KANK3: variants seen among roughly 807,000 people sequenced by gnomAD.
The protein encoded by KANK3 is KN motif and ankyrin repeat domains 3.
A neutral mutation model predicts 65.4 loss-of-function variants in KANK3; 61 were observed. The observed-to-expected ratio is 0.93, with a 90% confidence interval of 0.76 to 1.15. The LOEUF is 1.15. Among genes scored for constraint, KANK3 ranks in the 50% most tolerant of loss-of-function variants. KANK3 has a pLI of 0.00. For synonymous variants in KANK3, 586 were observed against 543.3 expected, an observed-to-expected ratio of 1.08 and a Z score of -1.09; for missense variants, 1,187 against 1,178.8, an observed-to-expected ratio of 1.01 and a Z score of -0.10.
At position 8,333,647 on chromosome 19, in the gene KANK3, T is replaced by C. The variant is rs2241589; in HGVS notation, c.1719+77A>G. On this transcript the variant is annotated intron_variant, in intron 6 of 10. Transcript: ENST00000330915. The surrounding 1 kb of genome is among the most constrained non-coding windows in gnomAD (Gnocchi z 5.0). Reference sequence around the variant, plus strand: ...TGGCGGGAAGGGATGGAACCCGGTGTGCTCCCCTAAGTGGGCGTCAGAGGT... The same window carrying C: ...TGGCGGGAAGGGATGGAACCCGGTGCGCTCCCCTAAGTGGGCGTCAGAGGT... The C allele has an allele frequency of 0.6, 721,117 of 1,193,450 alleles. 219,925 individuals are homozygous for C. The highest frequency in any genetic ancestry group is 0.73 in the African/African-American group (46,662 of 63,816). 73.9% of individuals were successfully genotyped at this position (1,193,450 alleles called of 1,614,324 possible).
At chr19:8,328,604 G>A (rs899032474) in intron 7 of KANK3, among the ~76,000 whole-genome samples, 3 of 152,018 alleles carry the variant, frequency 2.0e-5, no homozygotes, top group Admixed American at 6.6e-5. Context: ...CAAGGGGTGG[G>A]GGCAGTGAAA....
chr19:8,334,575 G>T lies in KANK3; in HGVS notation c.1252C>A (p.Pro418Thr). The T allele has an allele frequency of 6.3e-7, 1 of 1,597,132 alleles. No individual in the cohort carries two copies. Among genetic ancestry groups the T allele is most frequent in the Non-Finnish European group, 8.5e-7 (1 of 1,178,282 alleles). Residue 418 changes from proline to threonine, a missense_variant, in exon 3 of 11, where the codon CCG becomes ACG. Transcript: ENST00000330915. ...TGAGTCAAGGAGGGCGCCTCTGCCG[G>T]GGACTCGGTCTGCGCGGCCTTTTCG... ...CAEKAAQTES[P>T]AEAPSLTQES...
intron 1 of KANK3, among the ~76,000 whole-genome samples, chr19:8,339,360 TG>T (rs1344911160): frequency 1.9e-4 from 19 of 98,072 alleles, no homozygotes; most frequent in African/African-American, 7.8e-4. Context: ...TATCTCTTTT[TG>T]TTTTTTTTTT....
chr19:8,343,050 C>G (rs889277535), intron 1 of KANK3, among the ~76,000 whole-genome samples, 175 bp downstream of exon 1: 5 of 152,182 alleles, frequency 3.3e-5, no homozygotes, highest in Admixed American at 3.3e-4. Flanking sequence ...TCGCTACCCA[C>G]CTGGGACTTC....
chr19:8,329,991 C>A (rs1225753200), intron 7 of KANK3, among the ~76,000 whole-genome samples: 1 of 152,068 alleles, frequency 6.6e-6, no homozygotes, highest in Non-Finnish European at 1.5e-5. Context: ...GAGAACTGGC[C>A]AGGAGCTAAA....
At position 8,334,587 on chromosome 19, in the gene KANK3, G is replaced by A; in HGVS notation, c.1240C>T (p.Gln414Ter). 1.3e-6 allele frequency: 2 copies of A among 1,593,782 alleles called. No individual in the cohort carries two copies. Among genetic ancestry groups the A allele is most frequent in the Non-Finnish European group, 8.5e-7 (1 of 1,177,154 alleles). ...TPWSCAEKAA[Q>*]TESPAEAPSL... Reference sequence around the variant, plus strand: ...GGCGCCTCTGCCGGGGACTCGGTCTGCGCGGCCTTTTCGGCACAGCTCCAC... The same window carrying A: ...GGCGCCTCTGCCGGGGACTCGGTCTACGCGGCCTTTTCGGCACAGCTCCAC... The change falls in exon 3 of 11, where the codon CAG becomes TAG. Residue 414 changes from glutamine to a stop codon, truncating the protein, a stop_gained. Transcript: ENST00000330915. LOFTEE classifies it high-confidence loss of function.
chr19:8,340,275 C>CGTATATATATAT (rs780229218), intron 1 of KANK3, among the ~76,000 whole-genome samples: 120 of 66,006 alleles, frequency 1.8e-3, no homozygotes, highest in African/African-American at 6.2e-3. Context: ...AAAAAAAAAC[C>CGTATATATATAT]ATATATATAT....
At chr19:8,325,335 C>CG (rs1316064365) in intron 7 of KANK3, among the ~76,000 whole-genome samples, 1 of 106,606 alleles carries the variant, frequency 9.4e-6, no homozygotes, top group African/African-American at 3.8e-5. Flanking sequence ...GACATAGTCT[C>CG]GCTCTGTCAC....
At position 8,335,448 on chromosome 19, in the gene KANK3, T is replaced by TGCGCACGGGC; in HGVS notation, c.369_378dup (p.Asn127AlafsTer49). On this transcript the variant is annotated frameshift_variant, in exon 3 of 11. Transcript: ENST00000330915. LOFTEE classifies it high-confidence loss of function. ...CGGAGCGTGTGCTCGACGCGCGGGT[T>TGCGCACGGGC]GCGCACGGGCGCGCGCGGCGACAGC... is the stretch of plus-strand genomic sequence containing the variant. The TGCGCACGGGC allele has an allele frequency of 8.2e-7, 1 of 1,223,846 alleles. No individual in the cohort carries two copies. The highest frequency in any genetic ancestry group is 1.0e-6 in the Non-Finnish European group (1 of 980,900). The allele number at this position is 1,223,846 out of a possible 1,614,324, so 75.8% of individuals were successfully genotyped here.
intron 10 of KANK3, chr19:8,323,556 A>G (rs1370913409): frequency 6.7e-6 from 1 of 150,282 alleles, no homozygotes; most frequent in Non-Finnish European, 1.5e-5. Flanking sequence ...ACAGAACGAG[A>G]CTCTTGTCTT....
chr19:8,322,756 T>C lies in KANK3; in HGVS notation c.*83A>G. On this transcript the variant is annotated 3_prime_UTR_variant, in exon 11 of 11. Coordinates refer to ENST00000330915, the MANE Select transcript of KANK3 (RefSeq NM_198471.3). ...GTGTTAGCCTCTGAGCAGGGGACCC[T>C]GGACCCTTCTGTGCGCCAAAGGCTG... is the stretch of plus-strand genomic sequence containing the variant. 1 of 1,061,306 alleles carries C rather than the reference T, an allele frequency of 9.4e-7. No homozygotes were observed. The highest frequency in any genetic ancestry group is 1.4e-6 in the Non-Finnish European group (1 of 705,838). The allele number at this position is 1,061,306 out of a possible 1,614,324, so 65.7% of individuals were successfully genotyped here.
rs894792928 is a variant in KANK3, at chr19:8,333,484, G to C, written c.1719+240C>G. Among the ~76,000 whole-genome samples the C allele has an allele frequency of 6.6e-6, 1 of 152,210 alleles. No individual in the cohort carries two copies. The stretch of plus-strand genomic sequence containing the variant: ...AGAATTTGCGGGAGAACATGGAACG[G>C]GGAAAGGCAATGAACGCTTGCCCTT... On this transcript the variant is annotated intron_variant, in intron 6 of 10. Transcript: ENST00000330915. The surrounding 1 kb of genome is among the most constrained non-coding windows in gnomAD (Gnocchi z 5.0).
intron 1 of KANK3, among the ~76,000 whole-genome samples, chr19:8,339,811 A>G (rs1407367406): frequency 6.6e-6 from 1 of 152,102 alleles, no homozygotes; most frequent in Non-Finnish European, 1.5e-5. Context: ...AAAAAACACA[A>G]AAATTAGCTG....
chr19:8,333,356 C>T lies in KANK3; in HGVS notation c.1720-126G>A. The T allele has an allele frequency of 1.3e-6, 1 of 766,088 alleles. No individual in the cohort carries two copies. The allele number at this position is 766,088 out of a possible 1,614,324, so 47.5% of individuals were successfully genotyped here. A position where few individuals can be genotyped will look rare whatever the true frequency, so the allele number is the denominator to read the frequency against. On this transcript the variant is annotated intron_variant, in intron 6 of 10. Transcript: ENST00000330915. This position sits in a 1 kb window ranked among gnomAD's most constrained non-coding sequence, Gnocchi z 5.0. ...GTTTCCAGGCAAGTAAGGAAGGTCA[C>T]TCCTCGTCCAGGTGGGGAGCCATGC...
intron 8 of KANK3, 51 bp downstream of exon 8, chr19:8,324,900 C>T (rs538304274): frequency 8.7e-5 from 138 of 1,592,706 alleles, no homozygotes; most frequent in Non-Finnish European, 2.1e-5. Context: ...GGTTGACTCC[C>T]AAAGTGGAAG....
intron 10 of KANK3, 155 bp from the exon 11 acceptor site, chr19:8,323,077 C>T (rs921464238): frequency 1.4e-5 from 7 of 486,864 alleles, no homozygotes; most frequent in Non-Finnish European, 2.2e-5. Context: ...CTGGAAGAGG[C>T]GCTTGACCTT....
intron 7 of KANK3, among the ~76,000 whole-genome samples, chr19:8,329,842 CTTG>C (rs1970494734): frequency 6.6e-6 from 1 of 152,168 alleles, no homozygotes; most frequent in African/African-American, 2.4e-5. Context: ...CTTTGTGTAA[CTTG>C]TTATGTGAAT....
At position 8,322,622 on chromosome 19, in the gene KANK3, T is replaced by C. The variant is rs1172960223; in HGVS notation, c.*217A>G. 3 of 585,054 alleles carry C rather than the reference T, an allele frequency of 5.1e-6. No homozygotes were observed. The highest frequency in any genetic ancestry group is 3.8e-5 in the African/African-American group (2 of 52,824). 36.2% of individuals were successfully genotyped at this position (585,054 alleles called of 1,614,324 possible). ...TTATTAGCAAAGAAGTTTCAGAGAG[T>C]GGGTGGATCAGGGCTCTATCACTTG... On this transcript the variant is annotated 3_prime_UTR_variant, in exon 11 of 11. Transcript: ENST00000330915.
intron 1 of KANK3, among the ~76,000 whole-genome samples, chr19:8,338,873 CAAAAAAAA>C (rs35505826): frequency 3.7e-4 from 7 of 18,912 alleles, no homozygotes. Flanking sequence ...GATTCCGTCT[CAAAAAAAA>C]AAAAAAAAAA....
Sources: gnomAD v4.1 joint callset for allele counts (sites outside exome capture counted in the v4.1 genomes callset) on GRCh38, gnomAD v4.1.1 for gene constraint, Gnocchi (gnomAD v3.1) non-coding constraint, MANE v1.5 for transcripts, NCBI Gene and HGNC (gene_info 2026-07-23, HGNC 2026-07-21) for gene names.